Variants in ATRNL1 observed in about 807,000 individuals in gnomAD.
ATRNL1 encodes attractin like 1, also known as attractin-like protein 1.
ATRNL1 carries 95 observed loss-of-function variants against 182.7 expected under a neutral mutation model. That is an observed-to-expected ratio of 0.52 (90% CI 0.44 to 0.62). The LOEUF is 0.62. Ranked by LOEUF, ATRNL1 falls within the 20% of genes least tolerant of loss-of-function variation. The pLI is 0.00. For missense variants in ATRNL1, 1,471 were observed against 1,679.5 expected, an observed-to-expected ratio of 0.88 and a Z score of 2.17; for synonymous variants, 576 against 568.3, an observed-to-expected ratio of 1.01 and a Z score of -0.19.
intron 28 of ATRNL1, among the ~76,000 whole-genome samples, chr10:115,895,460 C>T (rs1952183220): frequency 6.6e-6 from 1 of 152,216 alleles, no homozygotes; most frequent in Non-Finnish European, 1.5e-5. Flanking sequence ...TTTGTGGAAG[C>T]TCCAGCACAT....
chr10:115,354,862 C>G (rs1856432949), intron 19 of ATRNL1, among the ~76,000 whole-genome samples: 1 of 151,964 alleles, frequency 6.6e-6, no homozygotes. Context: ...ATCCTGTAAT[C>G]ATATTTTATT....
intron 26 of ATRNL1, among the ~76,000 whole-genome samples, chr10:115,614,342 G>T (rs1307225307): frequency 6.6e-6 from 1 of 151,824 alleles, no homozygotes; most frequent in Admixed American, 6.6e-5. Flanking sequence ...AGTTCTTCAC[G>T]TTATTTGTTT....
chr10:115,261,671 A>G (rs535051643), intron 10 of ATRNL1, among the ~76,000 whole-genome samples: 27 of 152,306 alleles, frequency 1.8e-4, no homozygotes, highest in Middle Eastern at 3.4e-3. Flanking sequence ...AAGAATAAAA[A>G]TGTAGTATGC....
chr10:115,467,464 TAAC>T (rs2134555896), intron 23 of ATRNL1, among the ~76,000 whole-genome samples: 1 of 151,012 alleles, frequency 6.6e-6, no homozygotes, highest in Non-Finnish European at 1.5e-5. Context: ...ATTAGATTGG[TAAC>T]AAATATTATA....
chr10:115,374,592 C>T (rs986561438), intron 19 of ATRNL1, among the ~76,000 whole-genome samples: 1 of 151,104 alleles, frequency 6.6e-6, no homozygotes, highest in Non-Finnish European at 1.5e-5. Context: ...TATTTGAGAA[C>T]GTTCTTCTTT....
intron 5 of ATRNL1, among the ~76,000 whole-genome samples, chr10:115,157,318 G>A (rs1328340958): frequency 7.0e-6 from 1 of 141,896 alleles, no homozygotes; most frequent in Non-Finnish European, 1.6e-5. Context: ...AAGTCTTTTT[G>A]TCGTTGTTTG....
chr10:115,924,352 G>A lies in ATRNL1; in HGVS notation c.4019-20306G>A, dbSNP rs191625969. ...CCTATGACCTGAATGTTATTGCCTAGGTTTTCTAGGGTTTTTTTAATGGAT... is the reference window on the plus strand; with the variant it reads ...CCTATGACCTGAATGTTATTGCCTAAGTTTTCTAGGGTTTTTTTAATGGAT... On this transcript the variant is annotated intron_variant, in intron 28 of 28. Transcript: ENST00000355044. Among the ~76,000 whole-genome samples, 128 of 151,792 alleles carry A rather than the reference G, an allele frequency of 8.4e-4. 1 individual carries two copies. Among genetic ancestry groups the A allele is most frequent in the African/African-American group, 2.9e-3 (121 of 41,376 alleles).
intron 8 of ATRNL1, among the ~76,000 whole-genome samples, chr10:115,211,990 T>C (rs1390839386): frequency 6.6e-6 from 1 of 151,798 alleles, no homozygotes; most frequent in African/African-American, 2.4e-5. Context: ...ATAAATTTTA[T>C]TTATTTTTAT....
intron 20 of ATRNL1, among the ~76,000 whole-genome samples, chr10:115,422,918 A>G (rs781929230): frequency 2.6e-5 from 4 of 152,222 alleles, no homozygotes; most frequent in Admixed American, 2.6e-4. Flanking sequence ...CCTATCAAGT[A>G]TTATGCTTAT....
intron 20 of ATRNL1, among the ~76,000 whole-genome samples, chr10:115,419,406 A>G (rs72822646): frequency 0.029 from 4,356 of 152,316 alleles, 95 homozygotes; most frequent in Non-Finnish European, 0.045. Context: ...AAGTTACACA[A>G]TCGTGATAGT....
intron 24 of ATRNL1, among the ~76,000 whole-genome samples, chr10:115,485,855 T>C (rs1848994554): frequency 6.6e-6 from 1 of 152,000 alleles, no homozygotes; most frequent in South Asian, 2.1e-4. Context: ...CAACCTGTTA[T>C]CTACATTAGG....
intron 27 of ATRNL1, among the ~76,000 whole-genome samples, chr10:115,779,000 A>G (rs188696666): frequency 6.6e-6 from 1 of 152,296 alleles, no homozygotes; most frequent in Admixed American, 6.5e-5. Context: ...AATACATGAT[A>G]ATAATAAAAA....
At chr10:115,485,558 C>G (rs927394772) in intron 24 of ATRNL1, among the ~76,000 whole-genome samples, 1 of 152,022 alleles carries the variant, frequency 6.6e-6, no homozygotes, top group South Asian at 2.1e-4. Flanking sequence ...AGTGACCATT[C>G]TATACAATAA....
At chr10:115,922,577 C>G (rs1953098618) in intron 28 of ATRNL1, among the ~76,000 whole-genome samples, 1 of 152,126 alleles carries the variant, frequency 6.6e-6, no homozygotes, top group Non-Finnish European at 1.5e-5. Flanking sequence ...GTGATCCTCT[C>G]ACCTTGGACT....
intron 26 of ATRNL1, among the ~76,000 whole-genome samples, chr10:115,628,377 T>C (rs1555025337): frequency 3.3e-5 from 5 of 152,156 alleles, no homozygotes; most frequent in Non-Finnish European, 2.9e-5. Context: ...TATATCTTTT[T>C]TGGAGAAACG....
At chr10:115,304,498 GAAAGA>G (rs1371039300) in intron 17 of ATRNL1, among the ~76,000 whole-genome samples, 13 of 152,176 alleles carry the variant, frequency 8.5e-5, no homozygotes, top group African/African-American at 2.2e-4. Flanking sequence ...TAATAGGCAA[GAAAGA>G]AAAGAAAAGG....
At chr10:115,728,917 A>G (rs1480228942) in intron 27 of ATRNL1, among the ~76,000 whole-genome samples, 1 of 152,202 alleles carries the variant, frequency 6.6e-6, no homozygotes, top group Non-Finnish European at 1.5e-5. Context: ...TAACTTTTAT[A>G]AAAAACTTTC....
chr10:115,893,770 G>A (rs944697897), intron 28 of ATRNL1, among the ~76,000 whole-genome samples: 2 of 152,130 alleles, frequency 1.3e-5, no homozygotes, highest in Non-Finnish European at 2.9e-5. Flanking sequence ...GGCATGAAAC[G>A]CGACTACTTC....
chr10:115,561,948 T>A (rs1853779873), intron 26 of ATRNL1, among the ~76,000 whole-genome samples: 1 of 152,110 alleles, frequency 6.6e-6, no homozygotes. Flanking sequence ...AACTGACACT[T>A]TGTAGTGTAA....
Sources: gnomAD v4.1 joint callset for allele counts (sites outside exome capture counted in the v4.1 genomes callset) on GRCh38, gnomAD v4.1.1 for gene constraint, MANE v1.5 for transcripts, NCBI Gene and HGNC (gene_info 2026-07-23, HGNC 2026-07-21) for gene names.